Variants in ELAVL4 observed in about 807,000 individuals in gnomAD.
ELAVL4 encodes ELAV like RNA binding protein 4, also known as ELAV-like protein 4.
Under a neutral mutation model 35.6 loss-of-function variants are expected in ELAVL4, and 1 was observed. The ratio of observed to expected loss-of-function variants is 0.03; its 90% CI spans 0.01 to 0.13. ELAVL4 has a LOEUF of 0.13. ELAVL4 is among the 10% of genes least tolerant of loss of function. The pLI, the probability that ELAVL4 is intolerant of heterozygous loss-of-function variation, is 1.00. For missense variants in ELAVL4, 267 were observed against 464.9 expected, an observed-to-expected ratio of 0.57 and a Z score of 3.91; for synonymous variants, 156 against 171.0, an observed-to-expected ratio of 0.91 and a Z score of 0.69.
At chr1:50,074,670 C>G (rs1664683182) in intron 1 of ELAVL4, among the ~76,000 whole-genome samples, 1 of 152,098 alleles carries the variant, frequency 6.6e-6, no homozygotes, top group Non-Finnish European at 1.5e-5. Context: ...ACCTAATAAC[C>G]TTGGGAAAAG....
At chr1:50,144,759 T>G in intron 1 of ELAVL4, 198 bp from the exon 2 acceptor site, 1 of 809,490 alleles carries the variant, frequency 1.2e-6, no homozygotes, top group Non-Finnish European at 2.1e-6. Context: ...ATCTATGGGC[T>G]GGCCTAAAAA....
At chr1:50,103,256 A>T (rs1666081820), upstream of ELAVL4, among the ~76,000 whole-genome samples, 1 of 152,204 alleles carries the variant, frequency 6.6e-6, no homozygotes, top group South Asian at 2.1e-4. Flanking sequence ...TCTGTAGTAG[A>T]CAAAACTACT....
rs1644399342 is a variant in ELAVL4, at chr1:50,201,661, A to G, written c.*483A>G. 6.6e-6 allele frequency: 1 copy of G among 152,020 alleles called. No individual in the cohort carries two copies. The highest frequency in any genetic ancestry group is 1.5e-5 in the Non-Finnish European group (1 of 68,006). 9.4% of individuals were successfully genotyped at this position (152,020 alleles called of 1,614,324 possible). A position where few individuals can be genotyped will look rare whatever the true frequency, so the allele number is the denominator to read the frequency against. The stretch of plus-strand genomic sequence containing the variant: ...AAAAAGATTTTTCTTTTTTGTCAAA[A>G]TATCGATCCAATCAGATTGGTAAAA... On this transcript the variant is annotated 3_prime_UTR_variant, in exon 7 of 7. Transcript: ENST00000371824. The surrounding 1 kb of genome is among the most constrained non-coding windows in gnomAD (Gnocchi z 4.3).
chr1:50,099,442 C>A (rs1195292540), upstream of ELAVL4, among the ~76,000 whole-genome samples: 1 of 151,668 alleles, frequency 6.6e-6, no homozygotes, highest in Non-Finnish European at 1.5e-5. Flanking sequence ...TGCCTGTAAT[C>A]TCAGCTACTT....
chr1:50,049,782 C>G (rs1259216750), intron 1 of ELAVL4, among the ~76,000 whole-genome samples: 2 of 152,196 alleles, frequency 1.3e-5, no homozygotes, highest in East Asian at 1.9e-4. Flanking sequence ...CCTCTACTAA[C>G]TACTCTAGAA....
At chr1:50,104,122 A>G (rs1039131866), upstream of ELAVL4, 9 of 1,056,358 alleles carry the variant, frequency 8.5e-6, no homozygotes, top group East Asian at 2.2e-4. Context: ...GCTTCATCTT[A>G]TTTTCCTTTG....
chr1:50,107,707 T>C (rs940382426), upstream of ELAVL4, among the ~76,000 whole-genome samples: 1 of 152,210 alleles, frequency 6.6e-6, no homozygotes, highest in African/African-American at 2.4e-5. Context: ...GTGTATTTAT[T>C]GAAGAACAAA....
chr1:50,194,527 G>A (rs1167360914), intron 4 of ELAVL4, among the ~76,000 whole-genome samples: 1 of 152,146 alleles, frequency 6.6e-6, no homozygotes, highest in Non-Finnish European at 1.5e-5. Context: ...CCTCCAATTT[G>A]ATTCCAATTT....
At chr1:50,076,302 T>G (rs1229871349) in intron 1 of ELAVL4, among the ~76,000 whole-genome samples, 1 of 152,168 alleles carries the variant, frequency 6.6e-6, no homozygotes, top group African/African-American at 2.4e-5. Flanking sequence ...GATCCCAACC[T>G]TCGTCAAAAA....
At chr1:50,183,683 A>G (rs967937214) in intron 3 of ELAVL4, among the ~76,000 whole-genome samples, 63 of 152,082 alleles carry the variant, frequency 4.1e-4, no homozygotes, top group Non-Finnish European at 4.7e-4. Context: ...TTCTCTTGCC[A>G]GGGGTCGTCA....
At chr1:50,072,392 A>G (rs1286422064) in intron 1 of ELAVL4, among the ~76,000 whole-genome samples, 1 of 151,970 alleles carries the variant, frequency 6.6e-6, no homozygotes, top group Non-Finnish European at 1.5e-5. Context: ...ATGAACGTGA[A>G]CCCCCTGTAT....
chr1:50,159,846 A>G (rs531786641), intron 2 of ELAVL4, among the ~76,000 whole-genome samples: 13 of 152,208 alleles, frequency 8.5e-5, no homozygotes, highest in Non-Finnish European at 1.8e-4. Context: ...GACCTCATTT[A>G]TTTCATTAAG....
At chr1:50,093,243 C>T (rs79578499) in intron 1 of ELAVL4, among the ~76,000 whole-genome samples, 2,292 of 152,242 alleles carry the variant, frequency 0.015, 71 homozygotes, top group African/African-American at 0.052. Context: ...AGAGAGTGTT[C>T]TTATAAAGTT....
At position 50,195,650 on chromosome 1, in the gene ELAVL4, G is replaced by A. The variant is rs1484366574; in HGVS notation, c.598G>A (p.Gly200Ser). The A allele has an allele frequency of 5.0e-6, 8 of 1,614,166 alleles. No homozygotes were observed. The highest frequency in any genetic ancestry group is 2.7e-5 in the African/African-American group (2 of 75,044). Residue 200 changes from glycine (G) to serine (S), a missense_variant, in exon 5 of 7, where the codon GGT becomes AGT. Gly to Ser is a moderately conservative substitution (Grantham distance 56). Around this residue, in one of 2 missense-constraint regions of ELAVL4, gnomAD observed 216 missense variants for 409.5 expected, o/e 0.53. Coordinates refer to ENST00000371824, the MANE Select transcript of ELAVL4 (RefSeq NM_001144774.3). ...AGGGCTGAATGGCCAGAAGCCCAGC[G>A]GTGCTACGGAACCGATTACTGTGAA... The part of the protein sequence containing the change: ...IKGLNGQKPS[G>S]ATEPITVKFA...
At chr1:50,131,810 A>G (rs1252096044) in intron 1 of ELAVL4, among the ~76,000 whole-genome samples, 1 of 151,864 alleles carries the variant, frequency 6.6e-6, no homozygotes, top group Non-Finnish European at 1.5e-5. Context: ...ACAAACAAAT[A>G]GAACAATGAA....
chr1:50,086,941 G>C (rs1665273853), intron 1 of ELAVL4, among the ~76,000 whole-genome samples: 1 of 152,092 alleles, frequency 6.6e-6, no homozygotes, highest in African/African-American at 2.4e-5. Context: ...TCACTCCTTG[G>C]CCTCTGCTGT....
chr1:50,179,911 G>GT, intron 3 of ELAVL4: 1 of 152,314 alleles, frequency 6.6e-6, no homozygotes, highest in South Asian at 2.1e-4. Flanking sequence ...CTGTAAAGAA[G>GT]ACAGCTATTC....
At chr1:50,161,061 TG>T (rs1676720821) in intron 2 of ELAVL4, among the ~76,000 whole-genome samples, 1 of 152,216 alleles carries the variant, frequency 6.6e-6, no homozygotes, top group South Asian at 2.1e-4. Flanking sequence ...CTTCCTCTTT[TG>T]TTGCTAAACC....
At chr1:50,070,740 CAAA>C (rs34633476) in intron 1 of ELAVL4, among the ~76,000 whole-genome samples, 23 of 77,110 alleles carry the variant, frequency 3.0e-4, no homozygotes, top group African/African-American at 1.0e-3. Context: ...GACTCCATCT[CAAA>C]AAAAAAAAAA....
Sources: gnomAD v4.1 joint callset for allele counts (sites outside exome capture counted in the v4.1 genomes callset) on GRCh38, gnomAD v4.1.1 for gene constraint, gnomAD v4.1.1 regional missense constraint, Gnocchi (gnomAD v3.1) non-coding constraint, MANE v1.5 for transcripts, NCBI Gene and HGNC (gene_info 2026-07-23, HGNC 2026-07-21) for gene names.